CHSY3: variants seen among roughly 807,000 people sequenced by gnomAD.
CHSY3 encodes N-acetylgalactosaminyl-proteoglycan 3-beta-glucuronosyltransferase 3.
In CHSY3, 35 loss-of-function variants were observed where a neutral mutation model predicts 67.2. The ratio of observed to expected loss-of-function variants is 0.52; its 90% CI spans 0.40 to 0.69. The LOEUF is 0.69. Ranked by LOEUF, CHSY3 falls within the 30% of genes least tolerant of loss-of-function variation. The pLI, the probability that CHSY3 is intolerant of heterozygous loss-of-function variation, is 0.00. For missense variants in CHSY3, 1,069 were observed against 1,138.5 expected (o/e 0.94, Z 0.88); for synonymous variants, 474 against 434.7 (o/e 1.09, Z -1.12).
At chr5:130,025,000 T>C (rs1764499276) in intron 2 of CHSY3, among the ~76,000 whole-genome samples, 1 of 152,220 alleles carries the variant, frequency 6.6e-6, no homozygotes, top group East Asian at 1.9e-4. Context: ...GTTTGATGAG[T>C]GATTGATTTA....
At chr5:130,126,425 A>T (rs1170048764) in intron 2 of CHSY3, among the ~76,000 whole-genome samples, 1 of 152,218 alleles carries the variant, frequency 6.6e-6, no homozygotes, top group East Asian at 1.9e-4. Context: ...TAAAGACATA[A>T]TTATACTCAT....
chr5:130,021,182 T>C (rs1324427276), intron 2 of CHSY3, among the ~76,000 whole-genome samples: 1 of 152,216 alleles, frequency 6.6e-6, no homozygotes, highest in African/African-American at 2.4e-5. Context: ...TTGTCCTGAT[T>C]CACAATCCCA....
intron 2 of CHSY3, among the ~76,000 whole-genome samples, chr5:130,036,721 A>T (rs1309706775): frequency 1.3e-5 from 2 of 152,274 alleles, no homozygotes; most frequent in African/African-American, 4.8e-5. Flanking sequence ...TTTAACATGG[A>T]TTAGTAAACA....
At chr5:129,906,802 C>A (rs1163972646) in intron 1 of CHSY3, among the ~76,000 whole-genome samples, 2 of 152,218 alleles carry the variant, frequency 1.3e-5, no homozygotes, top group African/African-American at 4.8e-5. Context: ...CTCATTGCTT[C>A]CTCCTGATTC....
At chr5:130,157,493 A>AATGTTAG in intron 2 of CHSY3, among the ~76,000 whole-genome samples, 1 of 152,352 alleles carries the variant, frequency 6.6e-6, no homozygotes. Context: ...TGAGTTTGGC[A>AATGTTAG]ATGTTAGATG....
At chr5:129,937,261 A>G (rs1184302418) in intron 2 of CHSY3, among the ~76,000 whole-genome samples, 1 of 152,188 alleles carries the variant, frequency 6.6e-6, no homozygotes, top group Non-Finnish European at 1.5e-5. Context: ...GGAAGCAGGC[A>G]CATCTTCACA....
intron 2 of CHSY3, among the ~76,000 whole-genome samples, chr5:130,065,904 G>A (rs988484390): frequency 2.0e-5 from 3 of 152,030 alleles, no homozygotes; most frequent in Admixed American, 6.6e-5. Context: ...TTTAAATTCT[G>A]AACAATGTCC....
intron 2 of CHSY3, among the ~76,000 whole-genome samples, chr5:129,955,471 C>T (rs1369478392): frequency 6.6e-6 from 1 of 150,440 alleles, no homozygotes; most frequent in African/African-American, 2.4e-5. Flanking sequence ...CTTTCTTCTT[C>T]CCTTCCTTCC....
At chr5:130,050,509 A>G (rs1765307510) in intron 2 of CHSY3, among the ~76,000 whole-genome samples, 1 of 152,122 alleles carries the variant, frequency 6.6e-6, no homozygotes, top group African/African-American at 2.4e-5. Context: ...AAGAAATAAT[A>G]ATTTTGTCTA....
chr5:130,086,912 A>G (rs555601941), intron 2 of CHSY3, among the ~76,000 whole-genome samples: 1 of 151,796 alleles, frequency 6.6e-6, no homozygotes, highest in Non-Finnish European at 1.5e-5. Context: ...GAGACACAAC[A>G]AAAAAAGAGA....
At chr5:130,060,208 T>G (rs1426817803) in intron 2 of CHSY3, among the ~76,000 whole-genome samples, 1 of 152,160 alleles carries the variant, frequency 6.6e-6, no homozygotes, top group Non-Finnish European at 1.5e-5. Flanking sequence ...ATCAAAAAGA[T>G]AATGTACCAC....
At chr5:130,009,454 G>A (rs767217226) in intron 2 of CHSY3, among the ~76,000 whole-genome samples, 4 of 151,708 alleles carry the variant, frequency 2.6e-5, no homozygotes, top group Non-Finnish European at 5.9e-5. Flanking sequence ...CCTTTGAAGA[G>A]GTCCTTAAAG....
intron 2 of CHSY3, among the ~76,000 whole-genome samples, chr5:130,088,940 C>T (rs1288277704): frequency 6.6e-6 from 1 of 151,914 alleles, no homozygotes; most frequent in Non-Finnish European, 1.5e-5. Flanking sequence ...TATTGCGGCA[C>T]TATTCACAAT....
At chr5:130,026,396 T>C (rs949910091) in intron 2 of CHSY3, among the ~76,000 whole-genome samples, 2 of 152,158 alleles carry the variant, frequency 1.3e-5, no homozygotes, top group African/African-American at 2.4e-5. Flanking sequence ...AGGAAGATAA[T>C]AATTTTCAAA....
At chr5:130,013,338 GC>G (rs1312824015) in intron 2 of CHSY3, among the ~76,000 whole-genome samples, 1 of 152,146 alleles carries the variant, frequency 6.6e-6, no homozygotes, top group Non-Finnish European at 1.5e-5. Flanking sequence ...GCTCCACCAG[GC>G]AATGCCCTAG....
At chr5:130,108,054 T>G (rs1174724871) in intron 2 of CHSY3, among the ~76,000 whole-genome samples, 1 of 151,666 alleles carries the variant, frequency 6.6e-6, no homozygotes, top group African/African-American at 2.4e-5. Flanking sequence ...GCTTATAATT[T>G]ACAAAGCACT....
At chr5:130,031,448 A>C (rs949428834) in intron 2 of CHSY3, among the ~76,000 whole-genome samples, 4 of 152,142 alleles carry the variant, frequency 2.6e-5, no homozygotes, top group African/African-American at 9.7e-5. Flanking sequence ...CCCCAGATTA[A>C]CTTTCTACTG....
Position 129,905,134 on chromosome 5 carries a change from C to G in CHSY3, c.305C>G (p.Pro102Arg). The stretch of plus-strand genomic sequence containing the variant: ...GGGATCACCAGTTTTCGAAGCAGCC[C>G]CTGGCAGCAGCCACCTCCGCTGCAG... ...APGITSFRSS[P>R]WQQPPPLQQR... The change falls in exon 1 of 3, where the codon CCC becomes CGC. Residue 102 changes from proline (P) to arginine (R), a missense_variant. Pro to Arg is a moderately radical substitution (Grantham distance 103). This residue lies in a region of CHSY3 where 309 missense variants were observed against 262.5 expected (regional missense o/e 1.18). Coordinates refer to ENST00000305031, the MANE Select transcript of CHSY3 (RefSeq NM_175856.5). 6.5e-7 allele frequency: 1 copy of G among 1,534,370 alleles called. No individual in the cohort carries two copies.
chr5:130,185,708 A>G lies in CHSY3; in HGVS notation c.2566A>G (p.Ser856Gly). Residue 856 changes from serine (S) to glycine (G), a missense_variant, in exon 3 of 3, where the codon AGT becomes GGT. Around this residue, in one of 5 missense-constraint regions of CHSY3, gnomAD observed 139 missense variants for 152.8 expected, o/e 0.91. Transcript: ENST00000305031. ...TAAGATGTGCTTAGGATCCAAGGCA[A>G]GTACTTTCGCCTCAACCATGCAACT... ...QYKMCLGSKA[S>G]TFASTMQLAE... is the part of the protein sequence containing the mutation. 1 of 1,613,836 alleles carries G rather than the reference A, an allele frequency of 6.2e-7. No homozygotes were observed. The highest frequency in any genetic ancestry group is 8.5e-7 in the Non-Finnish European group (1 of 1,179,852).
Sources: allele counts gnomAD v4.1 joint callset (sites outside exome capture counted in the v4.1 genomes callset), GRCh38; gene constraint gnomAD v4.1.1; regional missense constraint gnomAD v4.1.1; transcripts MANE v1.5; gene names NCBI Gene and HGNC (gene_info 2026-07-23, HGNC 2026-07-21).